Variants in ABI1 observed in about 807,000 individuals in gnomAD.
ABI1 encodes the protein Abelson interactor 1.
In ABI1, 14 loss-of-function variants were observed where a neutral mutation model predicts 54.6. That is an observed-to-expected ratio of 0.26 (90% confidence interval 0.17 to 0.40). ABI1 has a LOEUF of 0.40. Among genes scored for constraint, ABI1 ranks in the 10% least tolerant of loss-of-function variants. The pLI, the probability that ABI1 is intolerant of heterozygous loss-of-function variation, is 1.00. For missense variants in ABI1, 443 were observed against 598.3 expected (o/e 0.74, Z 2.71); for synonymous variants, 194 against 209.3 (o/e 0.93, Z 0.63).
intron 8 of ABI1, among the ~76,000 whole-genome samples, chr10:26,757,657 T>C (rs1024167854): frequency 6.6e-6 from 1 of 152,182 alleles, no homozygotes; most frequent in Non-Finnish European, 1.5e-5. Context: ...AATATTTTAG[T>C]CTGGAAAAAA....
At chr10:26,801,304 T>A (rs2046540520) in intron 2 of ABI1, among the ~76,000 whole-genome samples, 1 of 151,974 alleles carries the variant, frequency 6.6e-6, no homozygotes, top group Non-Finnish European at 1.5e-5. Flanking sequence ...TCCCAGCACT[T>A]TGGAGGCCAA....
chr10:26,757,531 CAAGTG>C (rs1485086835), intron 8 of ABI1, among the ~76,000 whole-genome samples: 1 of 151,840 alleles, frequency 6.6e-6, no homozygotes, highest in Non-Finnish European at 1.5e-5. Context: ...GTTGATGAAA[CAAGTG>C]AAGTGAATTA....
intron 2 of ABI1, among the ~76,000 whole-genome samples, chr10:26,782,309 A>G (rs1312625376): frequency 1.3e-5 from 2 of 152,132 alleles, no homozygotes; most frequent in African/African-American, 4.8e-5. Flanking sequence ...ACAGCATCTT[A>G]TATCGCTTAG....
chr10:26,796,473 T>C (rs1000215674), intron 2 of ABI1, among the ~76,000 whole-genome samples: 1 of 152,182 alleles, frequency 6.6e-6, no homozygotes, highest in African/African-American at 2.4e-5. Flanking sequence ...GTTTGTAGCC[T>C]AGGAGCAACA....
intron 2 of ABI1, among the ~76,000 whole-genome samples, chr10:26,782,582 G>C (rs1215917284): frequency 6.6e-6 from 1 of 152,104 alleles, no homozygotes; most frequent in Non-Finnish European, 1.5e-5. Context: ...CATTAGCTGG[G>C]CATGGTGGTG....
intron 1 of ABI1, among the ~76,000 whole-genome samples, chr10:26,839,485 G>A (rs1488465598): frequency 2.0e-5 from 3 of 152,072 alleles, no homozygotes; most frequent in Non-Finnish European, 4.4e-5. Flanking sequence ...GACAGAGCAG[G>A]ACCCTGTCTC....
chr10:26,847,573 G>C (rs763039314), intron 1 of ABI1, among the ~76,000 whole-genome samples: 1 of 151,918 alleles, frequency 6.6e-6, no homozygotes, highest in Non-Finnish European at 1.5e-5. Flanking sequence ...GCAGTGAGCT[G>C]AGATCGCACC....
At chr10:26,812,650 A>C (rs2047312784) in intron 2 of ABI1, among the ~76,000 whole-genome samples, 1 of 152,178 alleles carries the variant, frequency 6.6e-6, no homozygotes, top group African/African-American at 2.4e-5. Flanking sequence ...CGACTCAGGA[A>C]GCTACAAGTC....
At chr10:26,808,237 T>C (rs2046998590) in intron 2 of ABI1, among the ~76,000 whole-genome samples, 1 of 152,248 alleles carries the variant, frequency 6.6e-6, no homozygotes, top group Non-Finnish European at 1.5e-5. Flanking sequence ...TTAAGTTATC[T>C]GTAAGAAGAC....
At chr10:26,827,765 G>C (rs370011317) in intron 1 of ABI1, among the ~76,000 whole-genome samples, 349 of 152,030 alleles carry the variant, frequency 2.3e-3, no homozygotes, top group African/African-American at 8.1e-3. Flanking sequence ...GGTATTTTTT[G>C]TATTTTTAGT....
At chr10:26,799,290 A>G (rs2046390140) in intron 2 of ABI1, among the ~76,000 whole-genome samples, 2 of 152,064 alleles carry the variant, frequency 1.3e-5, no homozygotes, top group African/African-American at 4.8e-5. Context: ...AATATCGAGA[A>G]CTATAATCAG....
At chr10:26,822,597 A>T (rs2048051277) in intron 2 of ABI1, among the ~76,000 whole-genome samples, 1 of 150,858 alleles carries the variant, frequency 6.6e-6, no homozygotes, top group African/African-American at 2.4e-5. Flanking sequence ...AACATGCCAG[A>T]CCAAAAAAAA....
At chr10:26,788,708 C>T (rs938153686) in intron 2 of ABI1, among the ~76,000 whole-genome samples, 7 of 151,858 alleles carry the variant, frequency 4.6e-5, no homozygotes, top group Non-Finnish European at 1.0e-4. Context: ...GTCAGGAGAT[C>T]GAGACTATCC....
chr10:26,761,644 A>ATATATATATATATATATT (rs1839204759), intron 7 of ABI1, among the ~76,000 whole-genome samples: 7 of 119,406 alleles, frequency 5.9e-5, no homozygotes, highest in African/African-American at 2.0e-4. Flanking sequence ...ATATATATAT[A>ATATATATATATATATATT]TATATATATA....
chr10:26,855,346 C>G (rs1241634501), intron 1 of ABI1, among the ~76,000 whole-genome samples: 1 of 152,176 alleles, frequency 6.6e-6, no homozygotes, highest in Non-Finnish European at 1.5e-5. Flanking sequence ...TATTCCTGAA[C>G]CAGTTTTGAG....
chr10:26,768,052 G>GATA, intron 6 of ABI1, among the ~76,000 whole-genome samples: 2 of 150,886 alleles, frequency 1.3e-5, no homozygotes, highest in South Asian at 2.1e-4. Context: ...TCTCCAAAAA[G>GATA]ATAATAATAA....
rs1156841693 is a variant in ABI1, at chr10:26,748,115, G to A, written c.*455C>T. The A allele has an allele frequency of 4.7e-6, 1 of 212,478 alleles. No homozygotes were observed. The highest frequency in any genetic ancestry group is 9.5e-6 in the Non-Finnish European group (1 of 105,176). 13.2% of individuals were successfully genotyped at this position (212,478 alleles called of 1,614,324 possible). On this transcript the variant is annotated 3_prime_UTR_variant, in exon 11 of 11. Transcript: ENST00000376140. ...TTTCAATACATAAATTTTTATGCAT[G>A]CTTTAAACAAACAGTATTTTTTTTA...
At chr10:26,771,345 T>C (rs1029729115) in intron 3 of ABI1, among the ~76,000 whole-genome samples, 7 of 152,220 alleles carry the variant, frequency 4.6e-5, no homozygotes, top group African/African-American at 1.4e-4. Flanking sequence ...GCAGGCTCAA[T>C]GATTTTTTAA....
intron 2 of ABI1, among the ~76,000 whole-genome samples, chr10:26,813,316 C>A (rs2047357511): frequency 6.6e-6 from 1 of 151,140 alleles, no homozygotes; most frequent in Non-Finnish European, 1.5e-5. Context: ...AGATAAATAC[C>A]AACAGTCCAT....
Sources: gnomAD v4.1 joint callset for allele counts (sites outside exome capture counted in the v4.1 genomes callset) on GRCh38, gnomAD v4.1.1 for gene constraint, MANE v1.5 for transcripts, NCBI Gene and HGNC (gene_info 2026-07-23, HGNC 2026-07-21) for gene names.